The following SCFD2 variants were observed in gnomAD, a reference collection of about 807,000 sequenced individuals.
SCFD2 encodes the protein sec1 family domain-containing protein 2.
Under a neutral mutation model 58.9 loss-of-function variants are expected in SCFD2, and 54 were observed. That is an observed-to-expected ratio of 0.92 (90% CI 0.74 to 1.15). The LOEUF is 1.15. SCFD2 is among the 50% of genes most tolerant of loss of function. The pLI is 0.00. For missense variants in SCFD2, 805 were observed against 836.6 expected, an observed-to-expected ratio of 0.96 and a Z score of 0.47; for synonymous variants, 321 against 335.9, an observed-to-expected ratio of 0.96 and a Z score of 0.49.
intron 5 of SCFD2, among the ~76,000 whole-genome samples, chr4:52,935,558 G>A (rs1217419236): frequency 1.3e-5 from 2 of 152,138 alleles, no homozygotes; most frequent in African/African-American, 2.4e-5. Context: ...TATACCTTCT[G>A]AACCAGCCCT....
At chr4:53,168,714 T>C (rs1560366842) in intron 4 of SCFD2, among the ~76,000 whole-genome samples, 1 of 152,230 alleles carries the variant, frequency 6.6e-6, no homozygotes, top group Non-Finnish European at 1.5e-5. Flanking sequence ...TTAGCTAACA[T>C]ATTCATGATC....
chr4:52,900,346 G>C (rs879421001), intron 7 of SCFD2, among the ~76,000 whole-genome samples: 7 of 152,206 alleles, frequency 4.6e-5, no homozygotes, highest in Non-Finnish European at 7.3e-5. Flanking sequence ...TGTCCTTTCT[G>C]TTTGTTAGTT....
chr4:53,294,039 A>G (rs1336884040), intron 3 of SCFD2, among the ~76,000 whole-genome samples: 1 of 152,132 alleles, frequency 6.6e-6, no homozygotes, highest in South Asian at 2.1e-4. Context: ...TATCCAGTGT[A>G]TAATTGATGG....
At chr4:53,196,039 T>C (rs1315537435) in intron 4 of SCFD2, among the ~76,000 whole-genome samples, 3 of 152,148 alleles carry the variant, frequency 2.0e-5, no homozygotes, top group African/African-American at 7.2e-5. Context: ...TCTAGGATAG[T>C]GTTTATATAT....
At chr4:52,900,984 C>CT (rs1719182286) in intron 7 of SCFD2, among the ~76,000 whole-genome samples, 1 of 152,204 alleles carries the variant, frequency 6.6e-6, no homozygotes, top group African/African-American at 2.4e-5. Flanking sequence ...TTGTTAAGCC[C>CT]ATTGGAAGAG....
chr4:53,171,195 C>A (rs1727167470), intron 4 of SCFD2, among the ~76,000 whole-genome samples: 1 of 152,124 alleles, frequency 6.6e-6, no homozygotes, highest in Non-Finnish European at 1.5e-5. Context: ...TTCTACTAGA[C>A]CTAATTTGTT....
At chr4:53,100,443 A>G (rs1280426450) in intron 5 of SCFD2, among the ~76,000 whole-genome samples, 3 of 152,222 alleles carry the variant, frequency 2.0e-5, no homozygotes, top group Non-Finnish European at 2.9e-5. Flanking sequence ...GCATATGTGA[A>G]TGAATGGATA....
chr4:53,342,339 C>T (rs549908920), intron 2 of SCFD2, among the ~76,000 whole-genome samples: 1 of 152,186 alleles, frequency 6.6e-6, no homozygotes, highest in East Asian at 1.9e-4. Context: ...TTTAAACCAA[C>T]AAAGATCAAA....
intron 5 of SCFD2, among the ~76,000 whole-genome samples, chr4:53,023,407 A>G (rs1722396608): frequency 6.6e-6 from 1 of 152,114 alleles, no homozygotes; most frequent in Non-Finnish European, 1.5e-5. Context: ...ACCTGGCCCT[A>G]AAAATATTGG....
chr4:53,153,755 C>T (rs1343436410), intron 4 of SCFD2, among the ~76,000 whole-genome samples: 4 of 152,132 alleles, frequency 2.6e-5, no homozygotes, highest in Non-Finnish European at 1.5e-5. Flanking sequence ...GCTTTGCTTC[C>T]CTTTTAAATA....
chr4:52,876,094 G>C (rs1718467895), intron 8 of SCFD2, among the ~76,000 whole-genome samples: 1 of 151,828 alleles, frequency 6.6e-6, no homozygotes, highest in Non-Finnish European at 1.5e-5. Flanking sequence ...GCGGCTTCCA[G>C]GCGAGTGCCA....
chr4:53,292,628 T>C (rs1158527272), intron 3 of SCFD2, among the ~76,000 whole-genome samples: 3 of 152,226 alleles, frequency 2.0e-5, no homozygotes, highest in Non-Finnish European at 4.4e-5. Flanking sequence ...TCAACCATTG[T>C]GGACGACAGT....
chr4:52,931,028 C>T (rs1012412887), intron 5 of SCFD2, among the ~76,000 whole-genome samples: 14 of 152,164 alleles, frequency 9.2e-5, no homozygotes, highest in African/African-American at 2.9e-4. Flanking sequence ...CAGCCACTTA[C>T]GCCAGGCTCA....
chr4:52,985,157 T>TATTTAATACTGTTTGACTGTGTGACTG, intron 5 of SCFD2, among the ~76,000 whole-genome samples: 2 of 152,220 alleles, frequency 1.3e-5, no homozygotes, highest in African/African-American at 4.8e-5. Flanking sequence ...ATAAAATACT[T>TATTTAATACTGTTTGACTGTGTGACTG]ATTTAATACT....
In SCFD2 at chr4:53,040,783, T is replaced by C. The variant is rs1447944332; in HGVS notation, c.1561+104550A>G. ...CATTGTCGATAAGAACTGTACTTTT[T>C]TGATGGTTCATGCCTTACTGAAAAA... On this transcript the variant is annotated intron_variant, in intron 5 of 8. Transcript: ENST00000401642. 2.6e-5 allele frequency among the ~76,000 whole-genome samples: 4 copies of C among 152,194 alleles called. No homozygotes were observed. The East Asian group carries it at 5.8e-4, about 22-fold the overall frequency.
At chr4:53,171,320 G>A (rs542414401) in intron 4 of SCFD2, among the ~76,000 whole-genome samples, 26 of 152,110 alleles carry the variant, frequency 1.7e-4, no homozygotes, top group Non-Finnish European at 2.9e-4. Flanking sequence ...CACATTTTTC[G>A]ATTTGCATAT....
At chr4:53,296,935 T>C (rs997707203) in intron 3 of SCFD2, among the ~76,000 whole-genome samples, 1 of 152,228 alleles carries the variant, frequency 6.6e-6, no homozygotes, top group African/African-American at 2.4e-5. Flanking sequence ...AGTTTCCATG[T>C]AGTTGTGTGG....
chr4:52,922,067 C>T (rs1719748745), intron 5 of SCFD2, among the ~76,000 whole-genome samples: 1 of 152,276 alleles, frequency 6.6e-6, no homozygotes, highest in South Asian at 2.1e-4. Flanking sequence ...CCCGTCTCAC[C>T]TCCCTACCTC....
At chr4:52,979,961 A>G (rs1465426370) in intron 5 of SCFD2, among the ~76,000 whole-genome samples, 1 of 152,040 alleles carries the variant, frequency 6.6e-6, no homozygotes, top group Non-Finnish European at 1.5e-5. Flanking sequence ...CCTCTGGATT[A>G]CCTCTTGTCT....
Sources: gnomAD v4.1 joint callset for allele counts (sites outside exome capture counted in the v4.1 genomes callset) on GRCh38, gnomAD v4.1.1 for gene constraint, MANE v1.5 for transcripts, NCBI Gene and HGNC (gene_info 2026-07-23, HGNC 2026-07-21) for gene names.